The following SAMD8 variants were observed in gnomAD, a reference collection of about 807,000 sequenced individuals.
The protein encoded by SAMD8 is sterile alpha motif domain containing 8.
A neutral mutation model predicts 42.0 loss-of-function variants in SAMD8; 20 were observed. That is an observed-to-expected ratio of 0.48 (90% CI 0.34 to 0.69). SAMD8 has a LOEUF of 0.69. Ranked by LOEUF, SAMD8 falls within the 30% of genes least tolerant of loss-of-function variation. The pLI is 0.01. For missense variants in SAMD8, 328 were observed against 511.6 expected, an observed-to-expected ratio of 0.64 and a Z score of 3.46; for synonymous variants, 162 against 173.0, an observed-to-expected ratio of 0.94 and a Z score of 0.50.
chr10:75,111,070 C>T (rs192237366), upstream of SAMD8, among the ~76,000 whole-genome samples: 687 of 152,326 alleles, frequency 4.5e-3, 5 homozygotes, highest in African/African-American at 0.015. Flanking sequence ...GCCTCAGCCT[C>T]CCAAAGTGCT....
chr10:75,164,958 A>C (rs1356172429), intron 3 of SAMD8, among the ~76,000 whole-genome samples: 1 of 152,242 alleles, frequency 6.6e-6, no homozygotes. Context: ...GCACGGAAAG[A>C]TCAGAGATGC....
chr10:75,114,810 A>G (rs1219990932), intron 1 of SAMD8, among the ~76,000 whole-genome samples: 1 of 152,162 alleles, frequency 6.6e-6, no homozygotes, highest in Non-Finnish European at 1.5e-5. Context: ...TTCATATGCC[A>G]GTGGATTGTT....
At position 75,177,386 on chromosome 10, in the gene SAMD8, T is replaced by C. The variant is rs1841010210; in HGVS notation, c.*694T>C. On this transcript the variant is annotated 3_prime_UTR_variant, in exon 6 of 6. Coordinates refer to ENST00000542569, the MANE Select transcript of SAMD8 (RefSeq NM_001174156.2). ...TGCAACAAAAGATGCAGTGCCAGTG[T>C]GACCCTCAGTGAGTATTCATGAGGG... 6.6e-6 allele frequency: 1 copy of C among 152,230 alleles called. No homozygotes were observed. The highest frequency in any genetic ancestry group is 1.5e-5 in the Non-Finnish European group (1 of 68,040). 9.4% of individuals were successfully genotyped at this position (152,230 alleles called of 1,614,324 possible). A position where few individuals can be genotyped will look rare whatever the true frequency, so the allele number is the denominator to read the frequency against.
intron 1 of SAMD8, among the ~76,000 whole-genome samples, chr10:75,131,603 A>G (rs890586363): frequency 6.6e-6 from 1 of 152,182 alleles, no homozygotes; most frequent in African/African-American, 2.4e-5. Context: ...AAATTTATCT[A>G]CAATTTATAT....
intron 1 of SAMD8, chr10:75,101,797 C>G: frequency 1.0e-5 from 7 of 687,332 alleles, no homozygotes; most frequent in Non-Finnish European, 1.7e-5. Context: ...GCACAAGTGT[C>G]CTGGCCCTCA....
At chr10:75,119,292 T>C (rs1554857430) in intron 1 of SAMD8, among the ~76,000 whole-genome samples, 1 of 152,048 alleles carries the variant, frequency 6.6e-6, no homozygotes, top group Non-Finnish European at 1.5e-5. Flanking sequence ...GTAGCTGGGA[T>C]TACAGGGGTG....
intron 1 of SAMD8, 40 bp from the exon 2 acceptor site, chr10:75,150,474 A>T: frequency 6.4e-7 from 1 of 1,554,964 alleles, no homozygotes; most frequent in Non-Finnish European, 8.6e-7. Context: ...GTTAGGACAT[A>T]CTGAAGCTTT....
intron 3 of SAMD8, among the ~76,000 whole-genome samples, chr10:75,165,286 C>A (rs1052820031): frequency 6.6e-6 from 1 of 152,036 alleles, no homozygotes; most frequent in Non-Finnish European, 1.5e-5. Flanking sequence ...GGAAAAGTTA[C>A]TTTCTGTAGG....
At position 75,176,446 on chromosome 10, in the gene SAMD8, A is replaced by G. The variant is rs1840992647; in HGVS notation, c.1002A>G (p.Gly334=). The G allele has an allele frequency of 1.2e-5, 19 of 1,551,138 alleles. No individual in the cohort carries two copies. Among genetic ancestry groups the G allele is most frequent in the Non-Finnish European group, 1.6e-5 (18 of 1,147,120 alleles). ...HTLSWVLNLF[G]IFFILAAHEH... ...TATCCTGGGTTCTCAACCTCTTTGG[A>G]ATCTTCTTCATCTTGGCTGCCCATG... Residue 334 remains glycine, a synonymous_variant, in exon 6 of 6, where the codon GGA becomes GGG. Transcript: ENST00000542569. This position sits in a 1 kb window ranked among gnomAD's most constrained non-coding sequence, Gnocchi z 4.3.
At chr10:75,105,589 A>G (rs926219100) in intron 1 of SAMD8, 2 of 1,376,302 alleles carry the variant, frequency 1.5e-6, no homozygotes, top group Non-Finnish European at 2.0e-6. Flanking sequence ...ATCCAATCCT[A>G]TGTCTGCAGC....
At chr10:75,111,612 C>A (rs1395121495), upstream of SAMD8, 3 of 1,249,386 alleles carry the variant, frequency 2.4e-6, no homozygotes, top group Admixed American at 4.2e-5. Context: ...GGCTCCGCCC[C>A]CGCCGCTTGA....
chr10:75,122,990 T>C (rs1849038989), intron 1 of SAMD8, among the ~76,000 whole-genome samples: 1 of 152,198 alleles, frequency 6.6e-6, no homozygotes, highest in Non-Finnish European at 1.5e-5. Flanking sequence ...TTTTATATAT[T>C]GCTGAATTCT....
intron 2 of SAMD8, among the ~76,000 whole-genome samples, chr10:75,161,047 C>T (rs376582903): frequency 1.3e-5 from 2 of 152,006 alleles, no homozygotes; most frequent in African/African-American, 2.4e-5. Flanking sequence ...CAGCCTGGGC[C>T]GCAGAGTGAG....
intron 1 of SAMD8, among the ~76,000 whole-genome samples, chr10:75,128,697 G>A (rs1849202771): frequency 6.6e-6 from 1 of 152,168 alleles, no homozygotes; most frequent in South Asian, 2.1e-4. Context: ...AGATAGGTTT[G>A]TGGTTACTAT....
intron 2 of SAMD8, among the ~76,000 whole-genome samples, chr10:75,161,541 T>A (rs146317201): frequency 6.7e-6 from 1 of 148,982 alleles, no homozygotes; most frequent in Admixed American, 6.7e-5. Context: ...GAGAAAAACA[T>A]AAGCGCAAAC....
intron 1 of SAMD8, among the ~76,000 whole-genome samples, chr10:75,133,028 T>G (rs1175239713): frequency 6.6e-6 from 1 of 152,066 alleles, no homozygotes; most frequent in East Asian, 1.9e-4. Context: ...GTTTTTGTTT[T>G]GTTTATAATG....
intron 4 of SAMD8, among the ~76,000 whole-genome samples, chr10:75,170,412 T>C (rs141913629): frequency 3.0e-3 from 460 of 152,230 alleles, no homozygotes; most frequent in African/African-American, 0.011. Context: ...AATATACCCC[T>C]GAGCTGAAGG....
intron 1 of SAMD8, among the ~76,000 whole-genome samples, chr10:75,132,428 TC>T (rs1849293441): frequency 6.6e-6 from 1 of 152,174 alleles, no homozygotes; most frequent in Non-Finnish European, 1.5e-5. Flanking sequence ...TTTTAGTCTC[TC>T]TTGGTTTGAC....
intron 1 of SAMD8, among the ~76,000 whole-genome samples, chr10:75,129,502 T>G: frequency 6.6e-6 from 1 of 152,182 alleles, no homozygotes; most frequent in East Asian, 1.9e-4. Context: ...CCTCCCAAAG[T>G]GCTGGAATTA....
Sources: allele counts gnomAD v4.1 joint callset (sites outside exome capture counted in the v4.1 genomes callset), GRCh38; gene constraint gnomAD v4.1.1; non-coding constraint Gnocchi (gnomAD v3.1); transcripts MANE v1.5; gene names NCBI Gene and HGNC (gene_info 2026-07-23, HGNC 2026-07-21).